The following PFKP variants were observed in gnomAD, a reference collection of about 807,000 sequenced individuals.
PFKP encodes the protein ATP-dependent 6-phosphofructokinase, platelet type.
Under a neutral mutation model 94.3 loss-of-function variants are expected in PFKP, and 101 were observed. The ratio of observed to expected loss-of-function variants is 1.07; its 90% CI spans 0.91 to 1.26. The LOEUF is 1.26. Among genes scored for constraint, PFKP ranks in the 50% most tolerant of loss-of-function variants. The pLI, the probability that PFKP is intolerant of heterozygous loss-of-function variation, is 0.00. For synonymous variants in PFKP, 573 were observed against 432.6 expected, an observed-to-expected ratio of 1.32 and a Z score of -4.03; for missense variants, 1,145 against 1,103.3, an observed-to-expected ratio of 1.04 and a Z score of -0.53.
At chr10:3,075,607 C>T (rs1041720249) in intron 1 of PFKP, among the ~76,000 whole-genome samples, 7 of 144,346 alleles carry the variant, frequency 4.8e-5, no homozygotes, top group East Asian at 2.0e-4. Context: ...GGCAGGGGGC[C>T]GGGAGTGGGG....
intron 1 of PFKP, among the ~76,000 whole-genome samples, chr10:3,076,273 G>A (rs1277896200): frequency 6.6e-6 from 1 of 152,130 alleles, no homozygotes; most frequent in Non-Finnish European, 1.5e-5. Flanking sequence ...CCTGTATTTA[G>A]AAGGTCCCCA....
chr10:3,133,309 C>T lies in PFKP; in HGVS notation c.2017C>T (p.Gln673Ter). 1 of 1,606,250 alleles carries T rather than the reference C, an allele frequency of 6.2e-7. No homozygotes were observed. The highest frequency in any genetic ancestry group is 8.5e-7 in the Non-Finnish European group (1 of 1,172,814). ...CAGGAAGAACGTGCTGGGTCACATG[C>T]AGCAGGTAGGCCCGAGACTGCATGA... ...DCRKNVLGHM[Q>*]QGGAPSPFDR... The change falls in exon 19 of 22, where the codon CAG (glutamine) becomes TAG (stop). Residue 673 changes from glutamine (Q) to a stop codon, truncating the protein, a stop_gained. Transcript: ENST00000381125. LOFTEE classifies it high-confidence loss of function.
chr10:3,105,496 T>G lies in PFKP; in HGVS notation c.769T>G (p.Ser257Ala). 1 of 1,607,764 alleles carries G rather than the reference T, an allele frequency of 6.2e-7. No homozygotes were observed. The highest frequency in any genetic ancestry group is 1.1e-5 in the South Asian group (1 of 90,960). The change falls in exon 7 of 22, where the codon TCG becomes GCG. Residue 257 changes from serine (S) to alanine (A), a missense_variant. By Grantham distance (99) the Ser-to-Ala change is moderately conservative. Coordinates refer to ENST00000381125, the MANE Select transcript of PFKP (RefSeq NM_002627.5). ...GGAGGAGCAGATGTGTGTCAAACTC[T>G]CGGAGGTAATGCGGGTCCCGTGGCC... Reference protein sequence around the residue: ...GWEEQMCVKLSENRARKKRLN... With the variant: ...GWEEQMCVKLAENRARKKRLN...
At chr10:3,121,490 C>T (rs1005808896) in intron 16 of PFKP, among the ~76,000 whole-genome samples, 2 of 152,078 alleles carry the variant, frequency 1.3e-5, no homozygotes, top group African/African-American at 2.4e-5. Context: ...AATTGGAACT[C>T]GCCCAGAGGG....
At chr10:3,089,371 C>T (rs1003691593) in intron 2 of PFKP, among the ~76,000 whole-genome samples, 3 of 152,054 alleles carry the variant, frequency 2.0e-5, no homozygotes, top group African/African-American at 7.2e-5. Context: ...CGCTGACGGG[C>T]GCTGATTCCA....
At chr10:3,081,604 G>C (rs1034000651) in intron 1 of PFKP, among the ~76,000 whole-genome samples, 1 of 152,180 alleles carries the variant, frequency 6.6e-6, no homozygotes, top group African/African-American at 2.4e-5. Flanking sequence ...TGTTAGCCAC[G>C]ACAGCAAGAC....
intron 13 of PFKP, among the ~76,000 whole-genome samples, chr10:3,115,852 G>GA (rs1159768351): frequency 6.6e-6 from 1 of 152,140 alleles, no homozygotes; most frequent in Admixed American, 6.5e-5. Flanking sequence ...GAGTGGCAGA[G>GA]AGGTGGGGTG....
At chr10:3,095,236 C>A (rs2388593) in intron 2 of PFKP, among the ~76,000 whole-genome samples, 49 of 151,716 alleles carry the variant, frequency 3.2e-4, no homozygotes, top group African/African-American at 1.1e-3. Flanking sequence ...AGAAAGCCAC[C>A]CATAGGTGAA....
At chr10:3,136,355 G>C in intron 21 of PFKP, 95 bp from the exon 22 acceptor site, 1 of 1,311,496 alleles carries the variant, frequency 7.6e-7, no homozygotes, top group African/African-American at 1.4e-5. Flanking sequence ...TACAAACCCT[G>C]TGTTTCTGGC....
At chr10:3,093,453 C>T (rs872399) in intron 2 of PFKP, among the ~76,000 whole-genome samples, 2 of 152,162 alleles carry the variant, frequency 1.3e-5, no homozygotes, top group Admixed American at 6.5e-5. Flanking sequence ...CGACCTGACT[C>T]TACAGGGTCT....
intron 16 of PFKP, among the ~76,000 whole-genome samples, chr10:3,121,830 T>TC (rs1837460282): frequency 5.5e-5 from 1 of 18,048 alleles, no homozygotes; most frequent in Non-Finnish European, 1.2e-4. Flanking sequence ...TTTTTTTTTT[T>TC]CTTTTTTTGG....
chr10:3,082,561 C>T, intron 2 of PFKP, 100 bp downstream of exon 2: 5 of 773,046 alleles, frequency 6.5e-6, no homozygotes, highest in Non-Finnish European at 1.0e-5. Flanking sequence ...ATGCTGAGCA[C>T]AGCCGAAGAG....
chr10:3,133,069 G>A, intron 18 of PFKP, 134 bp from the exon 19 acceptor site: 1 of 698,248 alleles, frequency 1.4e-6, no homozygotes, highest in Non-Finnish European at 2.6e-6. Context: ...GTGAACTGGA[G>A]GGACTGGTGT....
At chr10:3,133,774 A>AGGATTC (rs1838881101) in intron 19 of PFKP, among the ~76,000 whole-genome samples, 1 of 152,202 alleles carries the variant, frequency 6.6e-6, no homozygotes, top group Non-Finnish European at 1.5e-5. Context: ...CACCAGCTTT[A>AGGATTC]GGATTCTTTT....
intron 7 of PFKP, among the ~76,000 whole-genome samples, chr10:3,106,501 C>T (rs1175536027): frequency 6.6e-6 from 1 of 151,862 alleles, no homozygotes; most frequent in Non-Finnish European, 1.5e-5. Flanking sequence ...CTGGGGCTGA[C>T]TGGGGGCCAC....
chr10:3,131,982 C>A (rs1334989677), intron 17 of PFKP, among the ~76,000 whole-genome samples: 1 of 152,076 alleles, frequency 6.6e-6, no homozygotes, highest in Non-Finnish European at 1.5e-5. Context: ...GCTCATCAGG[C>A]CGTCACATGA....
At chr10:3,115,824 C>T (rs1402798207) in intron 13 of PFKP, among the ~76,000 whole-genome samples, 4 of 152,092 alleles carry the variant, frequency 2.6e-5, no homozygotes, top group African/African-American at 9.7e-5. Context: ...AGAGGAAACC[C>T]CAGCCCAGGA....
intron 1 of PFKP, among the ~76,000 whole-genome samples, chr10:3,079,134 G>C (rs1294373628): frequency 6.6e-6 from 1 of 152,186 alleles, no homozygotes; most frequent in Non-Finnish European, 1.5e-5. Context: ...AACCCGGAGT[G>C]GGGGTGGGGA....
chr10:3,107,358 G>A lies in PFKP; in HGVS notation c.870+49G>A, dbSNP rs747961333. 5 of 1,155,264 alleles carry A rather than the reference G, an allele frequency of 4.3e-6. No individual in the cohort carries two copies. The African/African-American group carries it at 7.6e-5, about 18-fold the overall frequency. The allele number at this position is 1,155,264 out of a possible 1,614,324, so 71.6% of individuals were successfully genotyped here. The stretch of plus-strand genomic sequence containing the variant: ...TTCTCTCGGTTTCTGCCTGGAAGCA[G>A]GGGAGGCTAGCGTCATGGGCAGGCT... On this transcript the variant is annotated intron_variant, in intron 8 of 21. Transcript: ENST00000381125.
Sources: allele counts gnomAD v4.1 joint callset (sites outside exome capture counted in the v4.1 genomes callset), GRCh38; gene constraint gnomAD v4.1.1; transcripts MANE v1.5; gene names NCBI Gene and HGNC (gene_info 2026-07-23, HGNC 2026-07-21).